The following AGBL4 variants were observed in gnomAD, a reference collection of about 807,000 sequenced individuals.
AGBL4 encodes the protein cytosolic carboxypeptidase 6.
In AGBL4, 58 loss-of-function variants were observed where a neutral mutation model predicts 66.4. The ratio of observed to expected loss-of-function variants is 0.87; its 90% CI spans 0.71 to 1.09. The LOEUF is 1.09. AGBL4 is among the 50% of genes least tolerant of loss of function. The pLI, the probability that AGBL4 is intolerant of heterozygous loss-of-function variation, is 0.00. For synonymous variants in AGBL4, 234 were observed against 222.9 expected (o/e 1.05, Z -0.44); for missense variants, 579 against 631.0 (o/e 0.92, Z 0.88).
chr1:49,864,784 A>G (rs944743787), intron 1 of AGBL4, among the ~76,000 whole-genome samples: 9 of 152,162 alleles, frequency 5.9e-5, no homozygotes, highest in African/African-American at 2.2e-4. Flanking sequence ...TCCTGGAGAA[A>G]TGGGTGGCTG....
Position 49,702,965 on chromosome 1 carries a change from AAC to A in AGBL4, c.158-5530_158-5529del, listed in dbSNP as rs150425617. 8.0e-3 allele frequency among the ~76,000 whole-genome samples: 1,212 copies of A among 152,250 alleles called. 9 individuals carry two copies. Among genetic ancestry groups the A allele is most frequent in the Middle Eastern group, 0.031 (9 of 294 alleles). ...AAACTCATAAAGAGTATATTTGAAA[AAC>A]ACACAGCTAACAGCCCACTTAATGG... On this transcript the variant is annotated intron_variant, in intron 2 of 13. Coordinates refer to ENST00000371839, the MANE Select transcript of AGBL4 (RefSeq NM_032785.4).
At chr1:48,977,754 G>A (rs548024379) in intron 5 of AGBL4, among the ~76,000 whole-genome samples, 2 of 152,202 alleles carry the variant, frequency 1.3e-5, no homozygotes, top group African/African-American at 2.4e-5. Flanking sequence ...AATTACTAAC[G>A]AAAATTGGGT....
At chr1:49,344,853 A>C (rs1281243380) in intron 3 of AGBL4, among the ~76,000 whole-genome samples, 1 of 152,212 alleles carries the variant, frequency 6.6e-6, no homozygotes, top group Non-Finnish European at 1.5e-5. Context: ...TTTTGAATAA[A>C]CTACAGGTAA....
intron 1 of AGBL4, among the ~76,000 whole-genome samples, chr1:50,008,802 A>T (rs1661321961): frequency 6.6e-6 from 1 of 152,122 alleles, no homozygotes; most frequent in South Asian, 2.1e-4. Context: ...ATAAAATCAG[A>T]AATGAAAAAA....
At chr1:49,040,461 A>T (rs1012643674) in intron 5 of AGBL4, among the ~76,000 whole-genome samples, 6 of 152,060 alleles carry the variant, frequency 3.9e-5, no homozygotes, top group African/African-American at 7.2e-5. Flanking sequence ...TTTCACTCCA[A>T]GAAAAATGTA....
intron 3 of AGBL4, among the ~76,000 whole-genome samples, chr1:49,628,234 A>G (rs1331016334): frequency 6.6e-6 from 1 of 152,142 alleles, no homozygotes; most frequent in Non-Finnish European, 1.5e-5. Context: ...ACTCCACATT[A>G]TATCTTTTCC....
intron 3 of AGBL4, among the ~76,000 whole-genome samples, chr1:49,588,930 T>A (rs151237344): frequency 6.7e-6 from 1 of 148,810 alleles, no homozygotes; most frequent in Non-Finnish European, 1.5e-5. Flanking sequence ...ATGCTTCATT[T>A]ATGTTAGAAA....
intron 6 of AGBL4, chr1:48,742,600 G>A: frequency 1.3e-6 from 2 of 1,509,520 alleles, no homozygotes; most frequent in Non-Finnish European, 1.8e-6. Flanking sequence ...TGCAGGGAAT[G>A]GATATTGAGC....
intron 2 of AGBL4, among the ~76,000 whole-genome samples, chr1:49,770,967 T>C (rs577478241): frequency 6.6e-6 from 1 of 152,236 alleles, no homozygotes; most frequent in Admixed American, 6.5e-5. Context: ...ACTCTTCATT[T>C]CATTGATTTT....
At chr1:49,526,086 T>A (rs543930690) in intron 3 of AGBL4, among the ~76,000 whole-genome samples, 1 of 151,558 alleles carries the variant, frequency 6.6e-6, no homozygotes, top group Non-Finnish European at 1.5e-5. Context: ...AGAGTGAGAC[T>A]CTGTCTCAAA....
chr1:49,702,495 A>C (rs1050810088), intron 2 of AGBL4, among the ~76,000 whole-genome samples: 3 of 152,160 alleles, frequency 2.0e-5, no homozygotes, highest in Admixed American at 1.3e-4. Flanking sequence ...GTCCCAAAAA[A>C]ATAAAATAAA....
chr1:49,130,651 C>A (rs1645871955), intron 4 of AGBL4, among the ~76,000 whole-genome samples: 1 of 151,964 alleles, frequency 6.6e-6, no homozygotes. Flanking sequence ...TCTGAGGGCT[C>A]TGTTCTGTTC....
chr1:48,704,563 GT>G (rs1005385423), intron 6 of AGBL4, among the ~76,000 whole-genome samples: 17 of 151,774 alleles, frequency 1.1e-4, no homozygotes, highest in Non-Finnish European at 2.4e-4. Context: ...AAATTGTTAA[GT>G]TTTTTTTACT....
At chr1:49,986,514 A>G (rs550639132) in intron 1 of AGBL4, among the ~76,000 whole-genome samples, 1 of 152,184 alleles carries the variant, frequency 6.6e-6, no homozygotes, top group South Asian at 2.1e-4. Context: ...ACATATTCAG[A>G]GGAAGTACAT....
At chr1:49,220,433 T>C (rs1202513678) in intron 4 of AGBL4, among the ~76,000 whole-genome samples, 1 of 152,196 alleles carries the variant, frequency 6.6e-6, no homozygotes, top group African/African-American at 2.4e-5. Context: ...GAGATTCACG[T>C]TCTTCCTTGG....
intron 12 of AGBL4, among the ~76,000 whole-genome samples, chr1:48,535,126 A>G (rs576432127): frequency 1.3e-5 from 2 of 152,210 alleles, no homozygotes; most frequent in South Asian, 2.1e-4. Context: ...TGGCAAGGGG[A>G]TAAGTTGTGC....
rs1644428645 is a variant in AGBL4 at position 49,785,397 on chromosome 1, C to T, written c.157+65999G>A. Among the ~76,000 whole-genome samples the T allele has an allele frequency of 2.6e-5, 4 of 151,944 alleles. No individual in the cohort carries two copies. In the South Asian group the frequency reaches 8.3e-4, roughly 31 times the overall value. ...TGTTAATTAGTTTGACATAATCATT[C>T]CACAATGTATATACATATATCTAAG... On this transcript the variant is annotated intron_variant, in intron 2 of 13. Coordinates refer to ENST00000371839, the MANE Select transcript of AGBL4 (RefSeq NM_032785.4).
intron 4 of AGBL4, among the ~76,000 whole-genome samples, chr1:49,141,161 A>T (rs1211532641): frequency 2.0e-5 from 3 of 152,224 alleles, no homozygotes; most frequent in Non-Finnish European, 4.4e-5. Flanking sequence ...TTGCAAATAC[A>T]AAGTAAATTG....
chr1:49,254,780 G>T (rs2148344900), intron 3 of AGBL4, among the ~76,000 whole-genome samples: 1 of 152,258 alleles, frequency 6.6e-6, no homozygotes, highest in East Asian at 1.9e-4. Context: ...CATGGCTACA[G>T]TAATCAAAAT....
Sources: gnomAD v4.1 joint callset for allele counts (sites outside exome capture counted in the v4.1 genomes callset) on GRCh38, gnomAD v4.1.1 for gene constraint, MANE v1.5 for transcripts, NCBI Gene and HGNC (gene_info 2026-07-23, HGNC 2026-07-21) for gene names.